The following LARGE1 variants were observed in gnomAD, a reference collection of about 807,000 sequenced individuals.
LARGE1 encodes the protein xylosyl- and glucuronyltransferase LARGE1.
A neutral mutation model predicts 87.6 loss-of-function variants in LARGE1; 43 were observed. The ratio of observed to expected loss-of-function variants is 0.49; its 90% CI spans 0.38 to 0.63. LARGE1 has a LOEUF of 0.63. Ranked by LOEUF, LARGE1 falls within the 30% of genes least tolerant of loss-of-function variation. LARGE1 has a pLI of 0.00. For synonymous variants in LARGE1, 434 were observed against 394.6 expected (o/e 1.10, Z -1.18); for missense variants, 802 against 1,000.2 (o/e 0.80, Z 2.67).
intron 5 of LARGE1, among the ~76,000 whole-genome samples, chr22:33,576,144 G>A (rs1408194993): frequency 6.6e-6 from 1 of 152,120 alleles, no homozygotes; most frequent in Non-Finnish European, 1.5e-5. Context: ...TTATTACCGT[G>A]CACAGTATGT....
Position 33,815,878 on chromosome 22 carries a change from G to A in LARGE1, c.-82-54320C>T, listed in dbSNP as rs142939524. Reference sequence around the variant, plus strand: ...GGAGAGTAAAATCACGAGGAGAGGTGCCGTGGAAGTAAGAGATTCAGCTGC... The same window carrying A: ...GGAGAGTAAAATCACGAGGAGAGGTACCGTGGAAGTAAGAGATTCAGCTGC... On this transcript the variant is annotated intron_variant, in intron 1 of 14. Coordinates refer to ENST00000397394, the MANE Select transcript of LARGE1 (RefSeq NM_133642.5). Among the ~76,000 whole-genome samples, 237 of 152,276 alleles carry A rather than the reference G, an allele frequency of 1.6e-3. 2 individuals carry two copies. The highest frequency in any genetic ancestry group is 5.3e-3 in the African/African-American group (222 of 41,548).
intron 7 of LARGE1, among the ~76,000 whole-genome samples, chr22:33,394,798 T>G (rs1201873879): frequency 6.7e-6 from 1 of 149,368 alleles, no homozygotes; most frequent in Admixed American, 7.0e-5. Context: ...CTTTGCTGAA[T>G]CAGGGGTCTA....
chr22:33,358,320 T>C (rs902330802), intron 9 of LARGE1, among the ~76,000 whole-genome samples: 4 of 151,832 alleles, frequency 2.6e-5, no homozygotes, highest in Non-Finnish European at 5.9e-5. Flanking sequence ...TCTTCCTTGA[T>C]CCATCCCAAT....
At chr22:33,779,733 C>G (rs1222886509) in intron 1 of LARGE1, among the ~76,000 whole-genome samples, 1 of 151,970 alleles carries the variant, frequency 6.6e-6, no homozygotes, top group Non-Finnish European at 1.5e-5. Context: ...TTGCAGTGAG[C>G]CAAGATCGCG....
At chr22:33,680,404 G>A (rs2081725540) in intron 2 of LARGE1, among the ~76,000 whole-genome samples, 1 of 149,862 alleles carries the variant, frequency 6.7e-6, no homozygotes, top group African/African-American at 2.4e-5. Context: ...ACTACTGACA[G>A]AGAGCAGATC....
intron 1 of LARGE1, among the ~76,000 whole-genome samples, chr22:33,898,217 A>C (rs1219160456): frequency 1.3e-5 from 2 of 152,134 alleles, no homozygotes; most frequent in Non-Finnish European, 2.9e-5. Flanking sequence ...AGAAAATAAA[A>C]GGTTGGAAGT....
At chr22:33,113,183 T>C in the LARGE1 span, among the ~76,000 whole-genome samples, 1 of 151,974 alleles carries the variant, frequency 6.6e-6, no homozygotes, top group African/African-American at 2.4e-5. Flanking sequence ...GAGCCTTATG[T>C]ATATTTACGT....
At chr22:33,756,805 A>G (rs1028359999) in intron 2 of LARGE1, among the ~76,000 whole-genome samples, 1 of 152,166 alleles carries the variant, frequency 6.6e-6, no homozygotes, top group Non-Finnish European at 1.5e-5. Context: ...TCCTGATCAC[A>G]AAGGAGGAGT....
chr22:33,712,796 G>A (rs1161883371), intron 2 of LARGE1, among the ~76,000 whole-genome samples: 2 of 152,066 alleles, frequency 1.3e-5, no homozygotes, highest in African/African-American at 4.8e-5. Flanking sequence ...TTGACCCCCA[G>A]CATTCTTCAA....
chr22:33,446,765 C>G (rs538516266), intron 6 of LARGE1, among the ~76,000 whole-genome samples: 1 of 152,260 alleles, frequency 6.6e-6, no homozygotes, highest in Non-Finnish European at 1.5e-5. Flanking sequence ...AGGGAACAGG[C>G]GGGCAGGACC....
the LARGE1 span, among the ~76,000 whole-genome samples, chr22:33,154,251 T>C: frequency 2.0e-5 from 3 of 152,142 alleles, no homozygotes; most frequent in Non-Finnish European, 4.4e-5. Context: ...GTTGTTGTTA[T>C]TGTTTTTGAG....
At chr22:33,658,909 T>C (rs982397579) in intron 2 of LARGE1, among the ~76,000 whole-genome samples, 1 of 152,200 alleles carries the variant, frequency 6.6e-6, no homozygotes, top group Non-Finnish European at 1.5e-5. Context: ...AGTCTTAGCA[T>C]TGCCACACTT....
chr22:33,515,846 T>G (rs114012556), intron 6 of LARGE1, among the ~76,000 whole-genome samples: 4,067 of 152,132 alleles, frequency 0.027, 172 homozygotes, highest in African/African-American at 0.092. Context: ...GAGTCACCCC[T>G]CACCCTCCCC....
At chr22:33,272,078 G>C (rs779112235), downstream of LARGE1, among the ~76,000 whole-genome samples, 15 of 152,188 alleles carry the variant, frequency 9.9e-5, no homozygotes, top group Non-Finnish European at 2.2e-4. Context: ...GTGAAAGCAA[G>C]GTGGCTGGGC....
chr22:33,516,373 G>T (rs997464275), intron 6 of LARGE1, among the ~76,000 whole-genome samples: 1 of 152,102 alleles, frequency 6.6e-6, no homozygotes, highest in Non-Finnish European at 1.5e-5. Flanking sequence ...AGGGACACAG[G>T]ATCTAAAGGG....
the LARGE1 span, among the ~76,000 whole-genome samples, chr22:33,069,333 T>G: frequency 6.6e-6 from 1 of 152,216 alleles, no homozygotes; most frequent in Non-Finnish European, 1.5e-5. Context: ...GAATGGATAT[T>G]ACTTAACCTG....
chr22:33,388,546 C>G (rs577049702), intron 7 of LARGE1, among the ~76,000 whole-genome samples: 11 of 152,266 alleles, frequency 7.2e-5, no homozygotes, highest in Non-Finnish European at 1.3e-4. Context: ...TCACTACTTT[C>G]ACCAATCTCA....
At chr22:33,244,014 A>G (rs1926639343) in intron 11 of LARGE1, among the ~76,000 whole-genome samples, 1 of 152,030 alleles carries the variant, frequency 6.6e-6, no homozygotes, top group Admixed American at 6.6e-5. Context: ...TTTGAGGCGG[A>G]GTCTTGCTCT....
At position 33,710,457 on chromosome 22, in the gene LARGE1, G is replaced by A. The variant is rs533400263; in HGVS notation, c.106+50914C>T. ...AACAAGTTAGGAAGACAGTGGCAAG[G>A]AAGGCTCAGAAGCCATACTGTGTGT... On this transcript the variant is annotated intron_variant, in intron 2 of 14. Coordinates refer to ENST00000397394, the MANE Select transcript of LARGE1 (RefSeq NM_133642.5). Among the ~76,000 whole-genome samples, 347 of 152,352 alleles carry A rather than the reference G, an allele frequency of 2.3e-3. 2 individuals are homozygous for A. The highest frequency in any genetic ancestry group is 8.2e-3 in the African/African-American group (342 of 41,584).
Sources: allele counts gnomAD v4.1 joint callset (sites outside exome capture counted in the v4.1 genomes callset), GRCh38; gene constraint gnomAD v4.1.1; transcripts MANE v1.5; gene names NCBI Gene and HGNC (gene_info 2026-07-23, HGNC 2026-07-21).